Variants in TNFSF10 observed in about 807,000 individuals in gnomAD.
TNFSF10 encodes the protein tumor necrosis factor ligand superfamily member 10.
TNFSF10 carries 13 observed loss-of-function variants against 29.5 expected under a neutral mutation model. The ratio of observed to expected loss-of-function variants is 0.44; its 90% CI spans 0.29 to 0.70. TNFSF10 has a LOEUF of 0.70. Among genes scored for constraint, TNFSF10 ranks in the 30% least tolerant of loss-of-function variants. The pLI is 0.13. For missense variants in TNFSF10, 345 were observed against 330.9 expected (o/e 1.04, Z -0.33); for synonymous variants, 111 against 112.8 (o/e 0.98, Z 0.10).
intron 1 of TNFSF10, chr3:172,518,531 C>T: frequency 1.7e-6 from 2 of 1,198,890 alleles, no homozygotes; most frequent in Non-Finnish European, 2.2e-6. Context: ...CTTTTTCCTC[C>T]CCATCTATGA....
intron 1 of TNFSF10, among the ~76,000 whole-genome samples, chr3:172,520,940 C>G (rs894807210): frequency 2.6e-5 from 4 of 152,130 alleles, no homozygotes; most frequent in African/African-American, 9.7e-5. Context: ...CTGACAAAAA[C>G]AAGCAATGGG....
At chr3:172,523,140 C>T (rs879172852) in intron 1 of TNFSF10, 113 bp downstream of exon 1, 3 of 1,334,324 alleles carry the variant, frequency 2.2e-6, no homozygotes, top group Non-Finnish European at 3.0e-6. Context: ...AGTGTACCCA[C>T]AGAGAAAGGA....
In TNFSF10 at chr3:172,515,370, C is replaced by T. The variant is rs971239316; in HGVS notation, c.133-372G>A. On this transcript the variant is annotated intron_variant, in intron 1 of 4. Transcript: ENST00000241261. ...ATTCTGAGGTCTCTTCCAGTTCTGC[C>T]ATGGTATGTATCCCATTTTGAAGCT... Among the ~76,000 whole-genome samples the T allele has an allele frequency of 8.5e-5, 13 of 152,114 alleles. 1 individual carries two copies.
chr3:172,515,133 TA>T lies in TNFSF10; in HGVS notation c.133-136del, dbSNP rs943030514. 14 of 1,094,294 alleles carry T rather than the reference TA, an allele frequency of 1.3e-5. No individual in the cohort carries two copies. In the African/African-American group the frequency reaches 2.3e-4, roughly 18 times the overall value. The allele number at this position is 1,094,294 out of a possible 1,614,324, so 67.8% of individuals were successfully genotyped here. On this transcript the variant is annotated intron_variant, in intron 1 of 4. Transcript: ENST00000241261. Reference sequence around the variant, plus strand: ...ATATTGAGTAAGTTCCTGTTTGAAATAAAAGTAAGCATGCTCTCCTTTGTCC... The same window carrying T: ...ATATTGAGTAAGTTCCTGTTTGAAATAAAGTAAGCATGCTCTCCTTTGTCC...
rs1358847887 is a variant in TNFSF10 at position 172,506,784 on chromosome 3, T to C, written c.554A>G (p.Tyr185Cys). The C allele has an allele frequency of 3.7e-6, 6 of 1,614,118 alleles. No individual in the cohort carries two copies. The highest frequency in any genetic ancestry group is 1.3e-5 in the African/African-American group (1 of 74,936). Reference protein sequence around the residue: ...VIHEKGFYYIYSQTYFRFQEE... With the variant: ...VIHEKGFYYICSQTYFRFQEE... The stretch of plus-strand genomic sequence containing the variant: ...CTGAAATCGAAAGTATGTTTGGGAA[T>C]AGATGTAGTAAAACCCTTTTTCATG... Residue 185 changes from tyrosine (Y) to cysteine (C), a missense_variant, in exon 5 of 5, where the codon TAT becomes TGT. Coordinates refer to ENST00000241261, the MANE Select transcript of TNFSF10 (RefSeq NM_003810.4).
At chr3:172,513,135 G>C (rs545445133) in intron 2 of TNFSF10, among the ~76,000 whole-genome samples, 1 of 152,172 alleles carries the variant, frequency 6.6e-6, no homozygotes, top group African/African-American at 2.4e-5. Flanking sequence ...AGCAGGATGT[G>C]AGAATGGGAG....
At chr3:172,522,878 TGCAC>T (rs1713760694) in intron 1 of TNFSF10, among the ~76,000 whole-genome samples, 1 of 152,202 alleles carries the variant, frequency 6.6e-6, no homozygotes, top group Non-Finnish European at 1.5e-5. Flanking sequence ...CAATTGAATG[TGCAC>T]AAATAAAAGT....
chr3:172,509,394 T>G, intron 3 of TNFSF10, 73 bp from the exon 4 acceptor site: 1 of 1,207,706 alleles, frequency 8.3e-7, no homozygotes, highest in Non-Finnish European at 1.2e-6. Flanking sequence ...TTCATAGGTG[T>G]TGTCAATCAG....
chr3:172,518,275 C>A, intron 1 of TNFSF10: 1 of 1,167,338 alleles, frequency 8.6e-7, no homozygotes, highest in South Asian at 1.7e-5. Context: ...GCCCTTGGTT[C>A]TGAAAAGTGG....
At chr3:172,510,846 A>C (rs1560144950) in intron 3 of TNFSF10, among the ~76,000 whole-genome samples, 1 of 152,178 alleles carries the variant, frequency 6.6e-6, no homozygotes, top group Non-Finnish European at 1.5e-5. Context: ...GGGGGTGCCA[A>C]GTGATGAAGA....
intron 4 of TNFSF10, 28 bp downstream of exon 4, chr3:172,509,189 T>G: frequency 6.3e-7 from 1 of 1,575,606 alleles, no homozygotes; most frequent in Non-Finnish European, 8.7e-7. Context: ...TATTTTCCCT[T>G]AAGTCACTTA....
chr3:172,516,125 G>A lies in TNFSF10; in HGVS notation c.133-1127C>T, dbSNP rs143093293. 7.1e-3 allele frequency among the ~76,000 whole-genome samples: 1,088 copies of A among 152,200 alleles called. 10 individuals are homozygous for A. Among genetic ancestry groups the A allele is most frequent in the Non-Finnish European group, 8.2e-3 (555 of 67,988 alleles). ...AAAAAATACAAAAAATTAGCTGGGC[G>A]TGGTGGCGGGCGCCTGTAGTCCCAG... On this transcript the variant is annotated intron_variant, in intron 1 of 4. Transcript: ENST00000241261.
intron 3 of TNFSF10, 91 bp from the exon 4 acceptor site, chr3:172,509,412 A>C: frequency 1.1e-6 from 1 of 876,284 alleles, no homozygotes; most frequent in East Asian, 2.6e-5. Flanking sequence ...CAGCCATCGT[A>C]AGCATACTGG....
intron 1 of TNFSF10, chr3:172,517,268 A>T (rs1406002182): frequency 2.2e-6 from 2 of 922,110 alleles, no homozygotes; most frequent in Non-Finnish European, 2.6e-6. Context: ...TGCCACAGGG[A>T]CTAGCCCAGG....
intron 1 of TNFSF10, chr3:172,518,436 C>T (rs1158592606): frequency 4.7e-6 from 6 of 1,289,366 alleles, no homozygotes; most frequent in Non-Finnish European, 6.1e-6. Flanking sequence ...GCTGCCCAGA[C>T]ATTAGTCTCT....
At chr3:172,511,411 C>T (rs1713219101) in intron 3 of TNFSF10, 2 of 435,380 alleles carry the variant, frequency 4.6e-6, no homozygotes, top group Non-Finnish European at 8.2e-6. Flanking sequence ...AAGTTCTGAC[C>T]ATAGATGGGC....
chr3:172,511,916 G>A (rs1713240745), intron 2 of TNFSF10, among the ~76,000 whole-genome samples: 1 of 152,188 alleles, frequency 6.6e-6, no homozygotes, highest in Admixed American at 6.5e-5. Context: ...ATGAAGTCTT[G>A]GAAAGGCCAC....
At chr3:172,509,566 C>T (rs1213200924) in intron 3 of TNFSF10, among the ~76,000 whole-genome samples, 2 of 152,110 alleles carry the variant, frequency 1.3e-5, no homozygotes, top group African/African-American at 2.4e-5. Context: ...TAGTGTCTCA[C>T]GGGTAGGGTC....
intron 1 of TNFSF10, chr3:172,517,613 A>T (rs1288636327): frequency 1.0e-6 from 1 of 985,266 alleles, no homozygotes; most frequent in African/African-American, 1.7e-5. Flanking sequence ...TAACCTTTGG[A>T]TGATATCTCT....
Sources: gnomAD v4.1 joint callset for allele counts (sites outside exome capture counted in the v4.1 genomes callset) on GRCh38, gnomAD v4.1.1 for gene constraint, MANE v1.5 for transcripts, NCBI Gene and HGNC (gene_info 2026-07-23, HGNC 2026-07-21) for gene names.